Variants in PPP2R2B observed in about 807,000 individuals in gnomAD.
The protein encoded by PPP2R2B is protein phosphatase 2 regulatory subunit Bbeta, also known as serine/threonine-protein phosphatase 2A 55 kDa regulatory subunit B beta isoform.
Under a neutral mutation model 46.0 loss-of-function variants are expected in PPP2R2B, and 5 were observed. The ratio of observed to expected loss-of-function variants is 0.11; its 90% confidence interval spans 0.06 to 0.23. PPP2R2B has a LOEUF of 0.23. Among genes scored for constraint, PPP2R2B ranks in the 10% least tolerant of loss-of-function variants. The probability of loss-of-function intolerance (pLI) is 1.00; values close to 1 mark genes in which losing one functional copy is unlikely to be tolerated. For synonymous variants in PPP2R2B, 215 were observed against 206.7 expected (o/e 1.04, Z -0.34); for missense variants, 367 against 575.0 (o/e 0.64, Z 3.70).
chr5:146,872,414 A>G (rs1761667372), intron 2 of PPP2R2B, among the ~76,000 whole-genome samples: 1 of 152,250 alleles, frequency 6.6e-6, no homozygotes. Context: ...TGGCATTTGC[A>G]TACAAATACC....
At chr5:147,015,155 C>G (rs540210464) in intron 1 of PPP2R2B, among the ~76,000 whole-genome samples, 6 of 148,980 alleles carry the variant, frequency 4.0e-5, no homozygotes, top group African/African-American at 1.4e-4. Context: ...AAAACAGTGC[C>G]TGACACAGAG....
chr5:146,731,970 C>T (rs907590631), intron 2 of PPP2R2B, among the ~76,000 whole-genome samples: 2 of 152,148 alleles, frequency 1.3e-5, no homozygotes, highest in African/African-American at 4.8e-5. Context: ...ATATCTCCCA[C>T]TAACTTGATG....
At chr5:147,061,413 T>C (rs1371825179) in intron 2 of PPP2R2B, among the ~76,000 whole-genome samples, 2 of 152,210 alleles carry the variant, frequency 1.3e-5, no homozygotes, top group African/African-American at 4.8e-5. Flanking sequence ...TACCCCACTG[T>C]AGCCTGCAAT....
chr5:146,806,812 C>T (rs1466249036), intron 2 of PPP2R2B, among the ~76,000 whole-genome samples: 1 of 152,212 alleles, frequency 6.6e-6, no homozygotes, highest in Non-Finnish European at 1.5e-5. Context: ...GTTTTGCAAA[C>T]TGCTGAGTGT....
intron 2 of PPP2R2B, among the ~76,000 whole-genome samples, chr5:146,820,368 A>G (rs1294888142): frequency 6.6e-6 from 1 of 152,198 alleles, no homozygotes; most frequent in Non-Finnish European, 1.5e-5. Context: ...ACACAAAACA[A>G]AACAAAAACC....
chr5:146,896,862 A>C (rs1454713509), intron 1 of PPP2R2B, among the ~76,000 whole-genome samples: 1 of 152,202 alleles, frequency 6.6e-6, no homozygotes, highest in Non-Finnish European at 1.5e-5. Flanking sequence ...CTGTCAAAAA[A>C]AGATGGCTTT....
intron 2 of PPP2R2B, among the ~76,000 whole-genome samples, chr5:146,829,734 G>A (rs772103825): frequency 2.0e-5 from 3 of 152,144 alleles, no homozygotes; most frequent in Non-Finnish European, 4.4e-5. Context: ...ACTATCCAAA[G>A]AATCTAAAGT....
intron 1 of PPP2R2B, among the ~76,000 whole-genome samples, chr5:146,935,564 A>T (rs1168902778): frequency 6.6e-6 from 1 of 152,158 alleles, no homozygotes; most frequent in Non-Finnish European, 1.5e-5. Flanking sequence ...TAGCAAGGCC[A>T]CCCAGCAATA....
rs187345091 is a variant in PPP2R2B, at chr5:146,700,940, G to A, written c.168+105C>T. The A allele has an allele frequency of 1.5e-4, 160 of 1,039,552 alleles. No homozygotes were observed. The African/African-American group carries it at 2.0e-3, about 13-fold the overall frequency. The allele number at this position is 1,039,552 out of a possible 1,614,324, so 64.4% of individuals were successfully genotyped here. A position where few individuals can be genotyped will look rare whatever the true frequency, so the allele number is the denominator to read the frequency against. ...ACTTTTTTGGCAGTTTTTAGTTTTC[G>A]AGCAAAGCAGCAAGGTTAAGGGCGA... On this transcript the variant is annotated intron_variant, in intron 3 of 9. Coordinates refer to ENST00000394411, the MANE Select transcript of PPP2R2B (RefSeq NM_181675.4).
intron 6 of PPP2R2B, among the ~76,000 whole-genome samples, chr5:146,641,809 G>A (rs1001212326): frequency 1.3e-5 from 2 of 152,080 alleles, no homozygotes; most frequent in Non-Finnish European, 2.9e-5. Flanking sequence ...GTGGCTCCAC[G>A]TATAATCTTG....
intron 2 of PPP2R2B, among the ~76,000 whole-genome samples, chr5:146,840,362 G>T (rs1216103046): frequency 6.6e-6 from 1 of 152,074 alleles, no homozygotes; most frequent in Non-Finnish European, 1.5e-5. Flanking sequence ...AATACTATAT[G>T]CAGGGCTCTT....
chr5:146,890,774 C>T (rs1349056397), intron 1 of PPP2R2B, among the ~76,000 whole-genome samples: 1 of 152,072 alleles, frequency 6.6e-6, no homozygotes, highest in Admixed American at 6.6e-5. Flanking sequence ...GATGAAAACC[C>T]AAGTTTATAA....
intron 2 of PPP2R2B, among the ~76,000 whole-genome samples, chr5:146,785,008 T>C (rs1755748757): frequency 1.3e-5 from 2 of 152,220 alleles, no homozygotes; most frequent in South Asian, 2.1e-4. Context: ...ATCACACCCA[T>C]GGAGAATAAA....
At chr5:146,642,965 G>C (rs1285135982) in intron 6 of PPP2R2B, among the ~76,000 whole-genome samples, 3 of 152,232 alleles carry the variant, frequency 2.0e-5, no homozygotes, top group Non-Finnish European at 4.4e-5. Flanking sequence ...GCTGAGGCAG[G>C]AGGATTGATT....
intron 5 of PPP2R2B, among the ~76,000 whole-genome samples, chr5:146,688,219 T>A (rs192066753): frequency 4.5e-4 from 68 of 152,244 alleles, no homozygotes; most frequent in African/African-American, 1.6e-3. Context: ...GTATTTATAA[T>A]TATATAGCAA....
At chr5:146,770,291 AC>A (rs555763689) in intron 2 of PPP2R2B, among the ~76,000 whole-genome samples, 5 of 132,794 alleles carry the variant, frequency 3.8e-5, no homozygotes, top group African/African-American at 1.4e-4. Flanking sequence ...AGATCACACC[AC>A]TGCACTCCAG....
intron 1 of PPP2R2B, among the ~76,000 whole-genome samples, chr5:146,980,734 G>C (rs1333025772): frequency 6.6e-6 from 1 of 152,078 alleles, no homozygotes; most frequent in Non-Finnish European, 1.5e-5. Flanking sequence ...TGTAATTTGA[G>C]GCTATATGTT....
intron 6 of PPP2R2B, 79 bp downstream of exon 6, chr5:146,650,468 C>T (rs1239040760): frequency 7.4e-7 from 1 of 1,355,574 alleles, no homozygotes; most frequent in East Asian, 2.4e-5. Context: ...CATTTCTATT[C>T]CATATTTTCT....
chr5:147,023,573 T>A (rs1465229961), intron 1 of PPP2R2B, among the ~76,000 whole-genome samples: 1 of 152,080 alleles, frequency 6.6e-6, no homozygotes, highest in Non-Finnish European at 1.5e-5. Flanking sequence ...AAGAGGGATA[T>A]CTTAGTATCA....
Sources: allele counts gnomAD v4.1 joint callset (sites outside exome capture counted in the v4.1 genomes callset), GRCh38; gene constraint gnomAD v4.1.1; transcripts MANE v1.5; gene names NCBI Gene and HGNC (gene_info 2026-07-23, HGNC 2026-07-21).